Variants in WDR49 observed in about 807,000 individuals in gnomAD.
The protein encoded by WDR49 is cilia- and flagella-associated protein 337.
WDR49 carries 107 observed loss-of-function variants against 119.5 expected under a neutral mutation model. The ratio of observed to expected loss-of-function variants is 0.90; its 90% CI spans 0.77 to 1.05. The LOEUF (loss-of-function observed/expected upper bound fraction) is 1.05. Ranked by LOEUF, WDR49 falls within the 50% of genes least tolerant of loss-of-function variation. WDR49 has a pLI of 0.00. For missense variants in WDR49, 1,240 were observed against 1,220.5 expected (o/e 1.02, Z -0.24); for synonymous variants, 425 against 418.8 (o/e 1.01, Z -0.18).
chr3:167,626,809 C>T (rs182898090), intron 3 of WDR49, 43 bp downstream of exon 3: 390 of 1,227,198 alleles, frequency 3.2e-4, no homozygotes, highest in African/African-American at 2.3e-3. Flanking sequence ...CATAAGTTTT[C>T]CCTCTTTTAC....
intron 7 of WDR49, among the ~76,000 whole-genome samples, chr3:167,600,165 G>A (rs1715689027): frequency 1.3e-5 from 2 of 152,056 alleles, no homozygotes. Context: ...CAAGCGGAAG[G>A]AAGGGGTCTC....
chr3:167,630,279 G>A (rs892386983), intron 2 of WDR49, among the ~76,000 whole-genome samples: 7 of 152,034 alleles, frequency 4.6e-5, no homozygotes, highest in Non-Finnish European at 1.0e-4. Flanking sequence ...ATTACCTCTC[G>A]CCAAAGGCTC....
intron 5 of WDR49, among the ~76,000 whole-genome samples, chr3:167,617,372 CAA>C (rs1716647655): frequency 6.6e-6 from 1 of 151,972 alleles, no homozygotes; most frequent in East Asian, 1.9e-4. Flanking sequence ...ACTAAAAATA[CAA>C]AAATTAGCCG....
chr3:167,539,271 C>T (rs1177071931), intron 10 of WDR49, among the ~76,000 whole-genome samples: 2 of 152,106 alleles, frequency 1.3e-5, no homozygotes, highest in African/African-American at 2.4e-5. Context: ...AGCTAAGTTT[C>T]TGAAGTACAC....
At chr3:167,616,637 G>A (rs1716609129) in intron 5 of WDR49, among the ~76,000 whole-genome samples, 1 of 151,746 alleles carries the variant, frequency 6.6e-6, no homozygotes. Flanking sequence ...AAAAGAGAGA[G>A]AGAGAGAAAG....
intron 18 of WDR49, among the ~76,000 whole-genome samples, chr3:167,490,317 T>G (rs1294862585): frequency 6.6e-6 from 1 of 152,172 alleles, no homozygotes; most frequent in Non-Finnish European, 1.5e-5. Context: ...GTTGTATTTG[T>G]GAATTTTGAG....
chr3:167,585,398 G>GTT (rs1714757430), intron 7 of WDR49, among the ~76,000 whole-genome samples: 4 of 131,752 alleles, frequency 3.0e-5, no homozygotes, highest in East Asian at 3.8e-4. Context: ...GTGCGTGTGT[G>GTT]TGTGTGTGTG....
At chr3:167,488,709 T>C (rs74318014) in intron 18 of WDR49, among the ~76,000 whole-genome samples, 3,193 of 152,116 alleles carry the variant, frequency 0.021, 80 homozygotes, top group Middle Eastern at 0.062. Flanking sequence ...AGTGTCTAGA[T>C]GAATCAGGTC....
At chr3:167,488,471 A>G (rs1751007927) in intron 18 of WDR49, among the ~76,000 whole-genome samples, 1 of 152,208 alleles carries the variant, frequency 6.6e-6, no homozygotes, top group African/African-American at 2.4e-5. Flanking sequence ...CAATATACCC[A>G]TTTACCAAAC....
chr3:167,644,919 G>C (rs1718046080), intron 2 of WDR49, among the ~76,000 whole-genome samples: 1 of 151,938 alleles, frequency 6.6e-6, no homozygotes, highest in South Asian at 2.1e-4. Context: ...TTCTTAACAA[G>C]TTTGGGTGCC....
At chr3:167,493,742 T>C (rs1412505877) in intron 18 of WDR49, among the ~76,000 whole-genome samples, 2 of 152,214 alleles carry the variant, frequency 1.3e-5, no homozygotes, top group Admixed American at 6.5e-5. Context: ...CTATCAACTA[T>C]AGTTTCTTTT....
chr3:167,535,900 C>A (rs911973820), intron 11 of WDR49, among the ~76,000 whole-genome samples: 9 of 151,970 alleles, frequency 5.9e-5, no homozygotes, highest in African/African-American at 2.2e-4. Flanking sequence ...TAGTATTCAG[C>A]CATAAAAAGA....
chr3:167,546,461 T>G (rs1426194852), intron 10 of WDR49, among the ~76,000 whole-genome samples: 1 of 151,852 alleles, frequency 6.6e-6, no homozygotes, highest in African/African-American at 2.4e-5. Flanking sequence ...AAATTAAAGT[T>G]CAGAATGAGC....
intron 8 of WDR49, among the ~76,000 whole-genome samples, chr3:167,564,655 T>C (rs1006804212): frequency 3.3e-5 from 5 of 152,186 alleles, no homozygotes; most frequent in Non-Finnish European, 7.3e-5. Context: ...ACAACCACAC[T>C]CCAGGACACA....
intron 8 of WDR49, among the ~76,000 whole-genome samples, chr3:167,567,592 TTC>T (rs1713682347): frequency 6.6e-6 from 1 of 152,178 alleles, no homozygotes. Context: ...TTTCATGACG[TTC>T]TCTCTACTCT....
intron 8 of WDR49, among the ~76,000 whole-genome samples, chr3:167,564,823 T>C (rs997213481): frequency 1.3e-5 from 2 of 152,206 alleles, no homozygotes; most frequent in Admixed American, 6.5e-5. Flanking sequence ...GCTGTATTCA[T>C]GTCACCTAAT....
At chr3:167,543,331 T>C (rs546911062) in intron 10 of WDR49, among the ~76,000 whole-genome samples, 3 of 151,644 alleles carry the variant, frequency 2.0e-5, no homozygotes, top group Non-Finnish European at 4.4e-5. Flanking sequence ...GGAAAGGACA[T>C]AATAAAAAAA....
chr3:167,563,607 T>C (rs1713411284), intron 8 of WDR49, among the ~76,000 whole-genome samples: 1 of 152,166 alleles, frequency 6.6e-6, no homozygotes, highest in Non-Finnish European at 1.5e-5. Flanking sequence ...GATTTGTTTG[T>C]TTTTATTATT....
upstream of WDR49, among the ~76,000 whole-genome samples, chr3:167,655,634 C>T (rs1040244913): frequency 6.6e-6 from 1 of 152,178 alleles, no homozygotes; most frequent in Non-Finnish European, 1.5e-5. Context: ...CACGGTGGCT[C>T]ATGCCTGTAA....
Sources: gnomAD v4.1 joint callset for allele counts (sites outside exome capture counted in the v4.1 genomes callset) on GRCh38, gnomAD v4.1.1 for gene constraint, MANE v1.5 for transcripts, NCBI Gene and HGNC (gene_info 2026-07-23, HGNC 2026-07-21) for gene names.